The following KIF11 variants were observed in gnomAD, a reference collection of about 807,000 sequenced individuals.
KIF11 encodes kinesin family member 11, also known as kinesin-like protein KIF11.
In KIF11, 9 loss-of-function variants were observed where a neutral mutation model predicts 121.0. The ratio of observed to expected loss-of-function variants is 0.07; its 90% CI spans 0.04 to 0.13. The LOEUF (loss-of-function observed/expected upper bound fraction) is 0.13. KIF11 is among the 10% of genes least tolerant of loss of function. The pLI, the probability that KIF11 is intolerant of heterozygous loss-of-function variation, is 1.00. For missense variants in KIF11, 846 were observed against 1,217.5 expected (o/e 0.69, Z 4.54); for synonymous variants, 408 against 421.0 (o/e 0.97, Z 0.38).
intron 1 of KIF11, among the ~76,000 whole-genome samples, chr10:92,594,959 T>G (rs1051420829): frequency 1.3e-5 from 2 of 152,220 alleles, no homozygotes; most frequent in African/African-American, 4.8e-5. Flanking sequence ...ATAGGCAACT[T>G]ATGAGTTGCG....
chr10:92,600,998 T>C (rs986468068), intron 1 of KIF11, among the ~76,000 whole-genome samples: 1 of 151,374 alleles, frequency 6.6e-6, no homozygotes, highest in African/African-American at 2.4e-5. Context: ...TAGCTGGGAT[T>C]ACATGCACAT....
At position 92,614,021 on chromosome 10, in the gene KIF11, T is replaced by TACACACAC. The variant is rs71028831; in HGVS notation, c.1032+440_1032+447dup. Among the ~76,000 whole-genome samples the TACACACAC allele has an allele frequency of 4.5e-3, 569 of 126,978 alleles. 3 individuals carry two copies. Among genetic ancestry groups the TACACACAC allele is most frequent in the African/African-American group, 0.016 (507 of 30,966 alleles). The allele number at this position is 126,978 out of a possible 152,430, so 83.3% of individuals were successfully genotyped here. A position where few individuals can be genotyped will look rare whatever the true frequency, so the allele number is the denominator to read the frequency against. On this transcript the variant is annotated intron_variant, in intron 8 of 21. Transcript: ENST00000260731. ...ATAAAAAAAAAGAAAAGTATGTGTA[T>TACACACAC]ACACACACACACACACACACACACA... is the stretch of plus-strand genomic sequence containing the variant.
At chr10:92,623,576 A>C (rs1229638577) in intron 10 of KIF11, among the ~76,000 whole-genome samples, 2 of 152,230 alleles carry the variant, frequency 1.3e-5, no homozygotes, top group African/African-American at 4.8e-5. Flanking sequence ...TAAATCATTT[A>C]ATAAACTTAG....
intron 1 of KIF11, among the ~76,000 whole-genome samples, chr10:92,603,818 T>G (rs1844402006): frequency 6.6e-6 from 1 of 152,232 alleles, no homozygotes; most frequent in Admixed American, 6.5e-5. Flanking sequence ...TTTATCAGCA[T>G]CTAATATATT....
chr10:92,614,084 GT>G (rs1844527991), intron 8 of KIF11, among the ~76,000 whole-genome samples: 1 of 140,244 alleles, frequency 7.1e-6, no homozygotes, highest in African/African-American at 2.8e-5. Context: ...GGGAAAAAAA[GT>G]TCATTTAGTA....
At chr10:92,617,052 A>C (rs1844564827) in intron 9 of KIF11, among the ~76,000 whole-genome samples, 1 of 152,248 alleles carries the variant, frequency 6.6e-6, no homozygotes, top group Non-Finnish European at 1.5e-5. Context: ...ACTCTTAGCA[A>C]AATTTTCATT....
chr10:92,612,377 A>G (rs1806063540), intron 6 of KIF11, among the ~76,000 whole-genome samples: 1 of 151,456 alleles, frequency 6.6e-6, no homozygotes, highest in Non-Finnish European at 1.5e-5. Context: ...AGTTAAAGTG[A>G]CCCTCCTACC....
rs931049648 is a variant in KIF11, at chr10:92,631,161, G to A, written c.1494+797G>A. Among the ~76,000 whole-genome samples the A allele has an allele frequency of 2.0e-5, 3 of 151,178 alleles. No homozygotes were observed. In the South Asian group the frequency reaches 6.3e-4, roughly 31 times the overall value. On this transcript the variant is annotated intron_variant, in intron 12 of 21. Transcript: ENST00000260731. ...ATACAAAAATTAGCCAGGCGTGGTGGCACATGCCTATAATCCCATCTACTC... is the reference window on the plus strand; with the variant it reads ...ATACAAAAATTAGCCAGGCGTGGTGACACATGCCTATAATCCCATCTACTC...
rs1333546796 is a variant in KIF11, at chr10:92,593,369, G to A, written c.-7G>A. ...GGCCGGGCCTTGATTTTTTGGCGGG[G>A]ACCGTCATGGCGTCGCAGCCAAATT... On this transcript the variant is annotated 5_prime_UTR_variant, in exon 1 of 22. Coordinates refer to ENST00000260731, the MANE Select transcript of KIF11 (RefSeq NM_004523.4). The A allele has an allele frequency of 6.2e-7, 1 of 1,605,490 alleles. No homozygotes were observed. Among genetic ancestry groups the A allele is most frequent in the South Asian group, 1.1e-5 (1 of 89,416 alleles).
At chr10:92,619,641 T>A (rs374341201) in intron 9 of KIF11, among the ~76,000 whole-genome samples, 1 of 152,118 alleles carries the variant, frequency 6.6e-6, no homozygotes, top group East Asian at 1.9e-4. Context: ...CACCAGCATT[T>A]GGTGGTGTAA....
intron 6 of KIF11, among the ~76,000 whole-genome samples, chr10:92,610,514 A>G (rs1844483998): frequency 6.6e-6 from 1 of 152,178 alleles, no homozygotes; most frequent in South Asian, 2.1e-4. Context: ...CTACAGATAT[A>G]GTTTACTAAA....
At chr10:92,627,328 A>G (rs1409633386) in intron 10 of KIF11, among the ~76,000 whole-genome samples, 1 of 152,230 alleles carries the variant, frequency 6.6e-6, no homozygotes, top group African/African-American at 2.4e-5. Context: ...TCAGAGACCC[A>G]TTAAAGTGGG....
chr10:92,607,978 A>G (rs1844447778), intron 4 of KIF11, among the ~76,000 whole-genome samples: 1 of 151,914 alleles, frequency 6.6e-6, no homozygotes, highest in Admixed American at 6.6e-5. Context: ...AACATGGTGA[A>G]ACCCGGTCTC....
intron 9 of KIF11, among the ~76,000 whole-genome samples, chr10:92,617,346 C>A (rs559446809): frequency 6.6e-6 from 1 of 152,278 alleles, no homozygotes; most frequent in East Asian, 1.9e-4. Flanking sequence ...CATCTAGTTT[C>A]TTTTGCCTAG....
At position 92,621,379 on chromosome 10, in the gene KIF11, G is replaced by C; in HGVS notation, c.1129-6G>C. 1 of 1,577,050 alleles carries C rather than the reference G, an allele frequency of 6.3e-7. No homozygotes were observed. The highest frequency in any genetic ancestry group is 8.7e-7 in the Non-Finnish European group (1 of 1,147,774). ...AACTGACACCTACAACATTCCTCTT[G>C]TGTAGGAGTATACGGAGGAGATAGA... On this transcript the variant is annotated splice_region_variant and splice_polypyrimidine_tract_variant and intron_variant, in intron 9 of 21. Transcript: ENST00000260731.
rs145596665 is a variant in KIF11, at chr10:92,633,717, T to C, written c.1797T>C (p.His599=). ...CTATTCCAGAAAATGTGTCTACTCA[T>C]GTTTCTCAGATTTTTAATATGATAC... The part of the protein sequence containing the change: ...LTSIPENVST[H]VSQIFNMILK... The change falls in exon 14 of 22, where the codon CAT becomes CAC. Residue 599 remains histidine, a synonymous_variant. Transcript: ENST00000260731. 9.4e-6 allele frequency: 15 copies of C among 1,595,868 alleles called. No homozygotes were observed. Among genetic ancestry groups the C allele is most frequent in the Middle Eastern group, 1.7e-4 (1 of 6,046 alleles).
chr10:92,634,747 C>T (rs2135917619), intron 14 of KIF11, among the ~76,000 whole-genome samples: 1 of 152,272 alleles, frequency 6.6e-6, no homozygotes, highest in African/African-American at 2.4e-5. Context: ...AGTTTAGCAC[C>T]ACATGATATC....
At chr10:92,623,269 C>T (rs1844637666) in intron 10 of KIF11, among the ~76,000 whole-genome samples, 1 of 152,132 alleles carries the variant, frequency 6.6e-6, no homozygotes, top group Non-Finnish European at 1.5e-5. Context: ...CTAATCTGTT[C>T]ACTTTTTAAA....
chr10:92,639,703 A>C, intron 16 of KIF11, 91 bp from the exon 17 acceptor site: 1 of 706,940 alleles, frequency 1.4e-6, no homozygotes, highest in Non-Finnish European at 2.5e-6. Context: ...ATTCTCACCT[A>C]TGGACAATAC....
Sources: allele counts gnomAD v4.1 joint callset (sites outside exome capture counted in the v4.1 genomes callset), GRCh38; gene constraint gnomAD v4.1.1; transcripts MANE v1.5; gene names NCBI Gene and HGNC (gene_info 2026-07-23, HGNC 2026-07-21).